The following ASPRV1 variants were observed in gnomAD, a reference collection of about 807,000 sequenced individuals.
ASPRV1 encodes the protein retroviral-like aspartic protease 1.
ASPRV1 carries 7 observed loss-of-function variants against 11.0 expected under a neutral mutation model. The observed-to-expected ratio is 0.64, with a 90% CI of 0.36 to 1.20. The LOEUF is 1.20. Ranked by LOEUF, ASPRV1 falls within the 50% of genes most tolerant of loss-of-function variation. ASPRV1 has a pLI of 0.02. For synonymous variants in ASPRV1, 136 were observed against 138.4 expected, an observed-to-expected ratio of 0.98 and a Z score of 0.12; for missense variants, 299 against 320.0, an observed-to-expected ratio of 0.93 and a Z score of 0.50.
At chr2:69,957,006 G>A (rs80283736), downstream of ASPRV1, among the ~76,000 whole-genome samples, 692 of 152,202 alleles carry the variant, frequency 4.5e-3, 19 homozygotes, top group East Asian at 0.031. Context: ...AAAGAGACAC[G>A]GCAACTAAAT....
At chr2:70,015,644 G>A in the ASPRV1 span, 2 of 152,206 alleles carry the variant, frequency 1.3e-5, no homozygotes, top group African/African-American at 4.8e-5. Flanking sequence ...CATCTAGAGA[G>A]AGAGAGATTA....
chr2:69,932,934 C>G, the ASPRV1 span, among the ~76,000 whole-genome samples: 72 of 152,252 alleles, frequency 4.7e-4, no homozygotes, highest in Middle Eastern at 3.4e-3. Context: ...AAAATTAGCT[C>G]ATACCTGTAA....
chr2:70,079,097 G>T, the ASPRV1 span, among the ~76,000 whole-genome samples: 1 of 152,204 alleles, frequency 6.6e-6, no homozygotes, highest in Non-Finnish European at 1.5e-5. Flanking sequence ...CAGAGATGCA[G>T]ATTTGAGAGG....
At chr2:70,029,220 G>T in the ASPRV1 span, among the ~76,000 whole-genome samples, 1 of 152,108 alleles carries the variant, frequency 6.6e-6, no homozygotes, top group African/African-American at 2.4e-5. Context: ...TATTTATTTG[G>T]AATAACTTTG....
upstream of ASPRV1, among the ~76,000 whole-genome samples, chr2:69,964,976 C>A (rs1029679647): frequency 6.6e-6 from 1 of 152,150 alleles, no homozygotes; most frequent in African/African-American, 2.4e-5. Flanking sequence ...CAAGACAAGC[C>A]CAAGACTGGG....
At chr2:70,077,659 GC>G in the ASPRV1 span, among the ~76,000 whole-genome samples, 1 of 151,824 alleles carries the variant, frequency 6.6e-6, no homozygotes, top group Admixed American at 6.6e-5. Context: ...TTCGAGACCA[GC>G]CTGGCCAACA....
At chr2:69,949,646 G>A in the ASPRV1 span, among the ~76,000 whole-genome samples, 1 of 152,180 alleles carries the variant, frequency 6.6e-6, no homozygotes, top group Non-Finnish European at 1.5e-5. Context: ...GAATTTTAAT[G>A]CAGCATGAAG....
chr2:70,086,936 A>C, the ASPRV1 span: 2 of 152,164 alleles, frequency 1.3e-5, no homozygotes, highest in Non-Finnish European at 2.9e-5. Context: ...GGGCGCCCGG[A>C]CGCCGGGGAC....
chr2:70,010,073 G>C, the ASPRV1 span, among the ~76,000 whole-genome samples: 30 of 152,220 alleles, frequency 2.0e-4, no homozygotes, highest in African/African-American at 6.0e-4. Context: ...GCTGGAGGAG[G>C]GGAAAAGACG....
the ASPRV1 span, chr2:70,019,188 G>A: frequency 1.3e-5 from 2 of 152,172 alleles, no homozygotes; most frequent in African/African-American, 4.8e-5. Context: ...AATCACCAGA[G>A]AAATGCAATT....
At chr2:69,994,465 G>T in the ASPRV1 span, among the ~76,000 whole-genome samples, 1 of 152,210 alleles carries the variant, frequency 6.6e-6, no homozygotes, top group African/African-American at 2.4e-5. Flanking sequence ...AGACCACTTG[G>T]ATGAGCTCAT....
chr2:69,995,017 AAATTAATT>A, the ASPRV1 span, among the ~76,000 whole-genome samples: 2 of 151,202 alleles, frequency 1.3e-5, no homozygotes. Context: ...ATAAATAAAT[AAATTAATT>A]AATTAATTAA....
chr2:70,033,451 C>A, the ASPRV1 span, among the ~76,000 whole-genome samples: 1 of 152,044 alleles, frequency 6.6e-6, no homozygotes. Flanking sequence ...TGTATTAGGG[C>A]GGGAGAGAAA....
chr2:69,950,004 T>C, the ASPRV1 span, among the ~76,000 whole-genome samples: 3 of 152,034 alleles, frequency 2.0e-5, no homozygotes, highest in Non-Finnish European at 4.4e-5. Flanking sequence ...TTAGTAGGGA[T>C]GGGGTTTCAC....
chr2:70,044,757 C>T, the ASPRV1 span, among the ~76,000 whole-genome samples: 1 of 152,212 alleles, frequency 6.6e-6, no homozygotes. Context: ...CCACGCCTGG[C>T]TGAGACACCT....
the ASPRV1 span, among the ~76,000 whole-genome samples, chr2:70,065,819 C>CAAAAAAAAAAAAAAAAAAA: frequency 5.9e-5 from 4 of 67,448 alleles, no homozygotes; most frequent in African/African-American, 1.2e-4. Context: ...GCTTTTGACT[C>CAAAAAAAAAAAAAAAAAAA]AAAAAAAAAA....
the ASPRV1 span, among the ~76,000 whole-genome samples, chr2:70,061,770 G>T: frequency 2.6e-5 from 4 of 151,856 alleles, 1 homozygote; most frequent in East Asian, 7.7e-4. Context: ...CCAACATAGC[G>T]AAACCCTGTC....
the ASPRV1 span, among the ~76,000 whole-genome samples, chr2:70,061,492 G>C: frequency 6.6e-6 from 1 of 152,066 alleles, no homozygotes; most frequent in East Asian, 1.9e-4. Context: ...GCACTGCAAA[G>C]GCCTTCAGGC....
the ASPRV1 span, chr2:69,943,008 C>T: frequency 3.9e-5 from 6 of 152,250 alleles, no homozygotes; most frequent in African/African-American, 1.2e-4. Flanking sequence ...TGCAGAACTG[C>T]GTTCATCAGA....
Sources: allele counts gnomAD v4.1 joint callset (sites outside exome capture counted in the v4.1 genomes callset), GRCh38; gene constraint gnomAD v4.1.1; transcripts MANE v1.5; gene names NCBI Gene and HGNC (gene_info 2026-07-23, HGNC 2026-07-21).